The following DNAH10 variants were observed in gnomAD, a reference collection of about 807,000 sequenced individuals.
DNAH10 encodes axonemal beta dynein heavy chain 10.
Under a neutral mutation model 506.6 loss-of-function variants are expected in DNAH10, and 348 were observed. The ratio of observed to expected loss-of-function variants is 0.69; its 90% CI spans 0.63 to 0.75. DNAH10 has a LOEUF of 0.75. Among genes scored for constraint, DNAH10 ranks in the 30% least tolerant of loss-of-function variants. The probability of loss-of-function intolerance (pLI) is 0.00; values close to 1 mark genes in which losing one functional copy is unlikely to be tolerated. For synonymous variants in DNAH10, 2,059 were observed against 2,198.6 expected (o/e 0.94, Z 1.78); for missense variants, 5,179 against 5,787.1 (o/e 0.89, Z 3.41).
intron 9 of DNAH10, among the ~76,000 whole-genome samples, chr12:123,786,457 C>A (rs1446864911): frequency 6.6e-6 from 1 of 151,468 alleles, no homozygotes; most frequent in Non-Finnish European, 1.5e-5. Context: ...GTCCTCGCCT[C>A]TCCCCAATTG....
At chr12:123,802,765 A>T in intron 16 of DNAH10, among the ~76,000 whole-genome samples, 1 of 146,042 alleles carries the variant, frequency 6.8e-6, no homozygotes. Flanking sequence ...GCCATCTGAT[A>T]GCTGTGTAAT....
At chr12:123,870,726 AG>A (rs371818205) in intron 44 of DNAH10, among the ~76,000 whole-genome samples, 206 of 152,240 alleles carry the variant, frequency 1.4e-3, no homozygotes, top group Non-Finnish European at 2.4e-3. Flanking sequence ...CTCTTTCCCC[AG>A]CAGGCCGATC....
chr12:123,781,439 C>T (rs965444390), intron 6 of DNAH10, 140 bp downstream of exon 6: 5 of 809,314 alleles, frequency 6.2e-6, no homozygotes, highest in Non-Finnish European at 7.6e-6. Context: ...CTCACTTTGT[C>T]GCTCAGGCTG....
intron 39 of DNAH10, among the ~76,000 whole-genome samples, chr12:123,862,596 G>T (rs549857455): frequency 9.2e-5 from 14 of 151,882 alleles, no homozygotes; most frequent in Non-Finnish European, 7.4e-5. Context: ...TCCCTGTACT[G>T]CCCAGGCTTG....
At position 123,796,801 on chromosome 12, in the gene DNAH10, A is replaced by G. The variant is rs570617579; in HGVS notation, c.2132A>G (p.Gln711Arg). The G allele has an allele frequency of 2.3e-4, 378 of 1,613,868 alleles. 1 individual carries two copies. The highest frequency in any genetic ancestry group is 2.8e-4 in the Non-Finnish European group (328 of 1,179,988). The change falls in exon 13 of 79, where the codon CAA becomes CGA. Residue 711 changes from glutamine to arginine, a missense_variant. Physicochemically the swap from Gln to Arg is conservative, Grantham distance 43. This residue lies in a region of DNAH10 where 4,844 missense variants were observed against 5,430.5 expected (regional missense o/e 0.89). Transcript: ENST00000673944. ...ACCATCCTCCGATTTCAAGAGGTAC[A>G]AGAGATACTGGACAGTGATCGAGGA... ...KHTILRFQEV[Q>R]EILDSDRGQE...
chr12:123,847,755 T>A (rs1951016054), intron 32 of DNAH10, among the ~76,000 whole-genome samples: 1 of 152,218 alleles, frequency 6.6e-6, no homozygotes, highest in Admixed American at 6.5e-5. Flanking sequence ...TGCTAATCTC[T>A]TCCTGAAACA....
Position 123,785,745 on chromosome 12 carries a change from G to C in DNAH10, c.1231-1G>C, listed in dbSNP as rs1268286468. Reference sequence around the variant, plus strand: ...GCGTGGCTCTCTCCTCTCTTGGTCAGAACATAACGCACGGGTCTGGCTTCC... The same window carrying C: ...GCGTGGCTCTCTCCTCTCTTGGTCACAACATAACGCACGGGTCTGGCTTCC... On this transcript the variant is annotated splice_acceptor_variant, in intron 8 of 78. Transcript: ENST00000673944. LOFTEE classifies it high-confidence loss of function. The surrounding 1 kb of genome is among the most constrained non-coding windows in gnomAD (Gnocchi z 4.1). 3 of 1,606,472 alleles carry C rather than the reference G, an allele frequency of 1.9e-6. No homozygotes were observed. The highest frequency in any genetic ancestry group is 3.3e-5 in the Admixed American group (2 of 59,710).
At chr12:123,865,308 C>T (rs748516656) in intron 40 of DNAH10, among the ~76,000 whole-genome samples, 15 of 151,776 alleles carry the variant, frequency 9.9e-5, no homozygotes, top group Non-Finnish European at 1.5e-4. Context: ...TCTGTCGAGC[C>T]CCTTTATTTC....
intron 5 of DNAH10, 120 bp downstream of exon 5, chr12:123,774,384 G>A (rs529232248): frequency 2.4e-5 from 17 of 722,122 alleles, no homozygotes; most frequent in East Asian, 1.4e-4. Flanking sequence ...GGGCACTGAG[G>A]TGCTGAGACC....
At chr12:123,927,339 G>A (rs185856066) in intron 69 of DNAH10, 33 of 166,382 alleles carry the variant, frequency 2.0e-4, no homozygotes, top group Non-Finnish European at 3.6e-4. Context: ...TCACAGGCAT[G>A]AGACACGATG....
chr12:123,864,494 C>T (rs539099309), intron 39 of DNAH10, 101 bp from the exon 40 acceptor site: 2 of 1,479,298 alleles, frequency 1.4e-6, no homozygotes, highest in African/African-American at 2.8e-5. Flanking sequence ...GGGTAGAAAA[C>T]CCTGGGAAAA....
Position 123,848,891 on chromosome 12 carries a change from CATG to C in DNAH10, c.6102+11_6102+13del, listed in dbSNP as rs1951057016. 6.2e-7 allele frequency: 1 copy of C among 1,613,062 alleles called. No homozygotes were observed. Among genetic ancestry groups the C allele is most frequent in the African/African-American group, 1.3e-5 (1 of 75,032 alleles). ...AGTTAACCACGTTCCAGGTGAGACA[CATG>C]AAGCCCCCGGGACCATGTCCCTAGG... On this transcript the variant is annotated intron_variant, in intron 34 of 78. Transcript: ENST00000673944.
At chr12:123,827,673 A>G (rs1266087849) in intron 25 of DNAH10, among the ~76,000 whole-genome samples, 1 of 152,226 alleles carries the variant, frequency 6.6e-6, no homozygotes, top group Non-Finnish European at 1.5e-5. Flanking sequence ...ATGCCATGAC[A>G]TCAAGTGACT....
intron 10 of DNAH10, among the ~76,000 whole-genome samples, chr12:123,789,031 C>T (rs979244074): frequency 2.0e-5 from 3 of 152,082 alleles, no homozygotes; most frequent in African/African-American, 4.8e-5. Context: ...GGGCGGATCA[C>T]GAGGTCAGGA....
At chr12:123,892,396 C>T (rs887598338) in intron 52 of DNAH10, among the ~76,000 whole-genome samples, 1 of 152,152 alleles carries the variant, frequency 6.6e-6, no homozygotes, top group South Asian at 2.1e-4. Context: ...ACAAGAACAG[C>T]ACTAAGAGGA....
chr12:123,881,864 G>A, intron 51 of DNAH10, 51 bp downstream of exon 51: 2 of 1,419,272 alleles, frequency 1.4e-6, no homozygotes, highest in Non-Finnish European at 9.3e-7. Flanking sequence ...AGTTTCTGCA[G>A]TTGGTAGTTC....
At chr12:123,871,427 A>T in intron 44 of DNAH10, 30 bp from the exon 45 acceptor site, 1 of 1,578,248 alleles carries the variant, frequency 6.3e-7, no homozygotes, top group Non-Finnish European at 8.6e-7. Context: ...GGAGTTGCTG[A>T]GATGCCCCTG....
At position 123,838,458 on chromosome 12, in the gene DNAH10, C is replaced by A; in HGVS notation, c.4905C>A (p.Ile1635=). ...GGCTGTCCTCTGTTCTGGTCCAGAT[C>A]ATGGGTGAGACCTTAAAAGACCCCG... ...FDNIDKVFKR[I]MGETLKDPVI... Residue 1635 remains isoleucine, a splice_region_variant and synonymous_variant, in exon 29 of 79, where the codon ATC becomes ATA. Coordinates refer to ENST00000673944, the MANE Select transcript of DNAH10 (RefSeq NM_001372106.1). 6.2e-7 allele frequency: 1 copy of A among 1,612,730 alleles called. No homozygotes were observed.
chr12:123,902,897 C>A lies in DNAH10; in HGVS notation c.9641-42C>A. On this transcript the variant is annotated intron_variant, in intron 56 of 78. Coordinates refer to ENST00000673944, the MANE Select transcript of DNAH10 (RefSeq NM_001372106.1). This position sits in a 1 kb window ranked among gnomAD's most constrained non-coding sequence, Gnocchi z 4.5. ...AGAGCCGGGGCCGCGAGTGCATCTC[C>A]TCTGAGCCCAAGCTTTACTCACCCC... 6.5e-7 allele frequency: 1 copy of A among 1,545,872 alleles called. No individual in the cohort carries two copies. Among genetic ancestry groups the A allele is most frequent in the Non-Finnish European group, 8.7e-7 (1 of 1,144,816 alleles).
Sources: allele counts gnomAD v4.1 joint callset (sites outside exome capture counted in the v4.1 genomes callset), GRCh38; gene constraint gnomAD v4.1.1; regional missense constraint gnomAD v4.1.1; non-coding constraint Gnocchi (gnomAD v3.1); transcripts MANE v1.5; gene names NCBI Gene and HGNC (gene_info 2026-07-23, HGNC 2026-07-21).